Variants in INTS6 observed in about 807,000 individuals in gnomAD.
INTS6 encodes the protein integrator complex subunit 6.
In INTS6, 16 loss-of-function variants were observed where a neutral mutation model predicts 104.9. The ratio of observed to expected loss-of-function variants is 0.15; its 90% CI spans 0.10 to 0.23. The LOEUF (loss-of-function observed/expected upper bound fraction) is 0.23. INTS6 is among the 10% of genes least tolerant of loss of function. The pLI is 1.00. For synonymous variants in INTS6, 324 were observed against 358.7 expected (o/e 0.90, Z 1.09); for missense variants, 584 against 1,062.8 (o/e 0.55, Z 6.26).
chr13:51,399,705 T>C lies in INTS6; in HGVS notation c.430-4222A>G, dbSNP rs924288881. Among the ~76,000 whole-genome samples the C allele has an allele frequency of 1.1e-4, 16 of 149,424 alleles. No individual in the cohort carries two copies. In the South Asian group the frequency reaches 2.9e-3, roughly 27 times the overall value. Reference sequence around the variant, plus strand: ...GCTGTCTTTTTCATGTTAGCCATTGTGGGTGTGTGTGTGTGTGCGTGTGTG... The same window carrying C: ...GCTGTCTTTTTCATGTTAGCCATTGCGGGTGTGTGTGTGTGTGCGTGTGTG... On this transcript the variant is annotated intron_variant, in intron 4 of 17. Coordinates refer to ENST00000311234, the MANE Select transcript of INTS6 (RefSeq NM_012141.3).
At chr13:51,371,786 C>T (rs1566206162) in intron 15 of INTS6, among the ~76,000 whole-genome samples, 1 of 152,102 alleles carries the variant, frequency 6.6e-6, no homozygotes, top group Non-Finnish European at 1.5e-5. Context: ...CAGTATACTT[C>T]ACCTTCTACC....
At position 51,364,391 on chromosome 13, in the gene INTS6, G is replaced by A. The variant is rs994337229; in HGVS notation, c.*1361C>T. On this transcript the variant is annotated 3_prime_UTR_variant, in exon 18 of 18. Coordinates refer to ENST00000311234, the MANE Select transcript of INTS6 (RefSeq NM_012141.3). The stretch of plus-strand genomic sequence containing the variant: ...TCTGATAAAGTGTAAAAAGCTAAGG[G>A]TATGTGATTTTCAATATTATAAACC... The A allele has an allele frequency of 1.9e-5, 11 of 587,164 alleles. No individual in the cohort carries two copies. The African/African-American group carries it at 2.1e-4, about 11-fold the overall frequency. 36.4% of individuals were successfully genotyped at this position (587,164 alleles called of 1,614,324 possible). A position where few individuals can be genotyped will look rare whatever the true frequency, so the allele number is the denominator to read the frequency against.
At position 51,452,141 on chromosome 13, in the gene INTS6, C is replaced by T; in HGVS notation, c.112-86G>A. On this transcript the variant is annotated intron_variant, in intron 1 of 17. Transcript: ENST00000311234. This position sits in a 1 kb window ranked among gnomAD's most constrained non-coding sequence, Gnocchi z 4.2. ...GCGGAGAAGGGGCGCCCAGCGGCCC[C>T]GCCGCCCCCACAGTACCGCACACGC... is the stretch of plus-strand genomic sequence containing the variant. 2 of 1,287,628 alleles carry T rather than the reference C, an allele frequency of 1.6e-6. No homozygotes were observed. Among genetic ancestry groups the T allele is most frequent in the East Asian group, 2.4e-5 (1 of 41,916 alleles). The allele number at this position is 1,287,628 out of a possible 1,614,324, so 79.8% of individuals were successfully genotyped here.
Position 51,450,335 on chromosome 13 carries a change from C to T in INTS6, c.339+690G>A, listed in dbSNP as rs915895465. ...ATTGTTGATTTAAAGCTCCTCTCAT[C>T]CTCAAATACATGAAAGTAAGTGCAA... On this transcript the variant is annotated intron_variant, in intron 3 of 17. Transcript: ENST00000311234. 7 of 985,288 alleles carry T rather than the reference C, an allele frequency of 7.1e-6. No homozygotes were observed. In the African/African-American group the frequency reaches 1.0e-4, roughly 15 times the overall value. 61.0% of individuals were successfully genotyped at this position (985,288 alleles called of 1,614,324 possible).
chr13:51,387,287 T>TC (rs770272948), intron 7 of INTS6, 99 bp downstream of exon 7: 25 of 1,112,618 alleles, frequency 2.2e-5, no homozygotes, highest in Non-Finnish European at 3.2e-5. Flanking sequence ...ATCTGTCTAA[T>TC]CCCCATAAAT....
intron 7 of INTS6, chr13:51,385,325 G>A (rs1018438832): frequency 3.3e-5 from 5 of 152,202 alleles, no homozygotes; most frequent in African/African-American, 1.2e-4. Context: ...GTACGTGTCT[G>A]ACATGCCCAT....
Position 51,376,054 on chromosome 13 carries a change from C to T in INTS6, c.1723G>A (p.Asp575Asn). 1.9e-6 allele frequency: 3 copies of T among 1,608,446 alleles called. No homozygotes were observed. Among genetic ancestry groups the T allele is most frequent in the Non-Finnish European group, 2.5e-6 (3 of 1,178,310 alleles). ...KSTRRFLKGQDEDQVHSVPIA... is the reference protein window; with the variant it reads ...KSTRRFLKGQNEDQVHSVPIA... ...ATTGAAACTATGTTCTAACCTTCGT[C>T]CTGTCCTTTCAGAAATCTGCGAGTG... Residue 575 changes from aspartate (D) to asparagine (N), a missense_variant, in exon 13 of 18, where the codon GAC becomes AAC. Physicochemically the swap from Asp to Asn is conservative, Grantham distance 23. This residue lies in a region of INTS6 where 296 missense variants were observed against 437.0 expected (regional missense o/e 0.68). Coordinates refer to ENST00000311234, the MANE Select transcript of INTS6 (RefSeq NM_012141.3).
intron 4 of INTS6, among the ~76,000 whole-genome samples, chr13:51,406,293 C>T (rs531288458): frequency 2.6e-5 from 4 of 152,164 alleles, no homozygotes; most frequent in Non-Finnish European, 5.9e-5. Flanking sequence ...CCTCATGACA[C>T]ACCCCCCTGA....
At chr13:51,390,660 C>T (rs375733771) in intron 5 of INTS6, among the ~76,000 whole-genome samples, 2 of 152,010 alleles carry the variant, frequency 1.3e-5, no homozygotes, top group East Asian at 1.9e-4. Flanking sequence ...TATCAACTTA[C>T]ACTTAACGTG....
At chr13:51,367,287 A>G (rs1038706545) in intron 17 of INTS6, among the ~76,000 whole-genome samples, 16 of 152,006 alleles carry the variant, frequency 1.1e-4, no homozygotes, top group Non-Finnish European at 1.6e-4. Flanking sequence ...CCCGCCTCCA[A>G]ATACTTTCAA....
chr13:51,404,099 CACACAGAG>C (rs1333389524), intron 4 of INTS6, among the ~76,000 whole-genome samples: 9 of 135,930 alleles, frequency 6.6e-5, no homozygotes, highest in South Asian at 4.9e-4. Context: ...CACACACACA[CACACAGAG>C]AGAGAGAGAG....
chr13:51,334,745 G>A, the INTS6 span, among the ~76,000 whole-genome samples: 1 of 152,094 alleles, frequency 6.6e-6, no homozygotes, highest in Non-Finnish European at 1.5e-5. Flanking sequence ...ACTTTGGGAG[G>A]CCGAGGCAGG....
intron 3 of INTS6, chr13:51,440,921 T>C (rs973370892): frequency 2.0e-5 from 3 of 152,328 alleles, no homozygotes; most frequent in East Asian, 3.9e-4. Context: ...CTTAATTCTG[T>C]TTTTGTCAAA....
chr13:51,415,772 C>T (rs936963228), intron 4 of INTS6, among the ~76,000 whole-genome samples: 4 of 152,130 alleles, frequency 2.6e-5, no homozygotes, highest in Non-Finnish European at 5.9e-5. Flanking sequence ...TAAGTTGAGT[C>T]ACCAAGCCTT....
At chr13:51,392,854 G>A (rs553744841) in intron 5 of INTS6, among the ~76,000 whole-genome samples, 2 of 152,008 alleles carry the variant, frequency 1.3e-5, no homozygotes, top group East Asian at 1.9e-4. Context: ...CCAACACCCA[G>A]TAACAGTTAT....
downstream of INTS6, among the ~76,000 whole-genome samples, chr13:51,353,181 A>G (rs891514887): frequency 2.0e-4 from 30 of 152,162 alleles, no homozygotes; most frequent in Admixed American, 1.4e-3. Flanking sequence ...TTTTATAGTC[A>G]TATCTCACTT....
chr13:51,420,322 T>C (rs1320319778), intron 4 of INTS6, among the ~76,000 whole-genome samples: 1 of 150,564 alleles, frequency 6.6e-6, no homozygotes, highest in Non-Finnish European at 1.5e-5. Context: ...TTTACTAATA[T>C]AGGTGGTTCA....
chr13:51,417,522 T>A (rs1593736114), intron 4 of INTS6, among the ~76,000 whole-genome samples: 1 of 147,530 alleles, frequency 6.8e-6, no homozygotes, highest in East Asian at 2.1e-4. Flanking sequence ...TGGCGCGATC[T>A]CAGCTCCCTG....
At chr13:51,429,763 C>CAAAAAAAAAAA (rs35873020) in intron 4 of INTS6, among the ~76,000 whole-genome samples, 2 of 27,084 alleles carry the variant, frequency 7.4e-5, no homozygotes, top group Non-Finnish European at 1.3e-4. Flanking sequence ...GACTCTGTCT[C>CAAAAAAAAAAA]AAAAAAAAAA....
Sources: gnomAD v4.1 joint callset for allele counts (sites outside exome capture counted in the v4.1 genomes callset) on GRCh38, gnomAD v4.1.1 for gene constraint, gnomAD v4.1.1 regional missense constraint, Gnocchi (gnomAD v3.1) non-coding constraint, MANE v1.5 for transcripts, NCBI Gene and HGNC (gene_info 2026-07-23, HGNC 2026-07-21) for gene names.